The following MED15 variants were observed in gnomAD, a reference collection of about 807,000 sequenced individuals.
MED15 encodes the protein mediator complex subunit 15.
In MED15, 41 loss-of-function variants were observed where a neutral mutation model predicts 118.7. The observed-to-expected ratio is 0.35, with a 90% CI of 0.27 to 0.45. The LOEUF (loss-of-function observed/expected upper bound fraction) is 0.45, where lower values mean the gene tolerates loss of function less well. Ranked by LOEUF, MED15 falls within the 20% of genes least tolerant of loss-of-function variation. The pLI, the probability that MED15 is intolerant of heterozygous loss-of-function variation, is 1.00. For synonymous variants in MED15, 436 were observed against 413.9 expected (o/e 1.05, Z -0.65); for missense variants, 740 against 1,025.5 (o/e 0.72, Z 3.80).
chr22:20,584,695 T>C, intron 14 of MED15, 160 bp from the exon 15 acceptor site: 1 of 1,004,916 alleles, frequency 1.0e-6, no homozygotes, highest in Non-Finnish European at 1.5e-6. Context: ...GGGTGGGGGA[T>C]TATTCCCAGG....
At chr22:20,568,029 T>C (rs12484645) in intron 7 of MED15, among the ~76,000 whole-genome samples, 9,205 of 152,252 alleles carry the variant, frequency 0.06, 640 homozygotes, top group East Asian at 0.37. Context: ...TTTGTAGATA[T>C]GGGGTTTGGC....
Position 20,585,137 on chromosome 22 carries a change from G to A in MED15, c.2001G>A (p.Glu667=), listed in dbSNP as rs1569255021. The A allele has an allele frequency of 6.2e-7, 1 of 1,613,738 alleles. No individual in the cohort carries two copies. Residue 667 remains glutamate (E), a synonymous_variant, in exon 16 of 18, where the codon GAG becomes GAA. Transcript: ENST00000263205. ...TGTGCACCCGGAAGCGCAGGCTTGAGGATGATGAGCGGCAGAGCATCCCCA... is the reference window on the plus strand; with the variant it reads ...TGTGCACCCGGAAGCGCAGGCTTGAAGATGATGAGCGGCAGAGCATCCCCA... The part of the protein sequence containing the change: ...PVVCTRKRRL[E]DDERQSIPSV...
At chr22:20,526,862 G>T (rs2054664144) in intron 1 of MED15, among the ~76,000 whole-genome samples, 1 of 152,184 alleles carries the variant, frequency 6.6e-6, no homozygotes, top group South Asian at 2.1e-4. Context: ...GTCTTCCTTT[G>T]TTGGGTCCCT....
rs187386241 is a variant in MED15 at position 20,534,379 on chromosome 22, G to A, written c.69-2738G>A. Reference sequence around the variant, plus strand: ...AAAAAAGTAAAAAATAAAAAAATTAGCCAGGCGTGGTGGCGCATGCCTGTA... The same window carrying A: ...AAAAAAGTAAAAAATAAAAAAATTAACCAGGCGTGGTGGCGCATGCCTGTA... On this transcript the variant is annotated intron_variant, in intron 1 of 17. Transcript: ENST00000263205. Among the ~76,000 whole-genome samples, 5 of 152,204 alleles carry A rather than the reference G, an allele frequency of 3.3e-5. No individual in the cohort carries two copies. In the East Asian group the frequency reaches 9.6e-4, roughly 29 times the overall value.
chr22:20,565,680 C>G (rs1318642158), intron 6 of MED15, among the ~76,000 whole-genome samples: 1 of 152,148 alleles, frequency 6.6e-6, no homozygotes, highest in African/African-American at 2.4e-5. Context: ...CCACACTTTT[C>G]CTTCTCCTGC....
chr22:20,519,334 G>A (rs1302247681), intron 1 of MED15, among the ~76,000 whole-genome samples: 1 of 152,174 alleles, frequency 6.6e-6, no homozygotes, highest in African/African-American at 2.4e-5. Context: ...CTGTGATTGG[G>A]TTAAGGGCTT....
At chr22:20,537,555 C>T (rs2269832) in intron 2 of MED15, among the ~76,000 whole-genome samples, 9,213 of 152,258 alleles carry the variant, frequency 0.061, 656 homozygotes, top group East Asian at 0.39. Context: ...GTCCTCAGCC[C>T]CTCCTAGGGG....
chr22:20,542,804 A>G (rs772664847), intron 2 of MED15, among the ~76,000 whole-genome samples: 26 of 152,306 alleles, frequency 1.7e-4, no homozygotes, highest in Admixed American at 2.6e-4. Context: ...TACATATATG[A>G]TGGAATTCAT....
At chr22:20,514,235 T>A (rs1331317749) in intron 1 of MED15, among the ~76,000 whole-genome samples, 1 of 152,114 alleles carries the variant, frequency 6.6e-6, no homozygotes, top group Admixed American at 6.6e-5. Context: ...TAGAACCAAT[T>A]TAACTGGCCT....
At chr22:20,509,449 A>G (rs999137806) in intron 1 of MED15, among the ~76,000 whole-genome samples, 4 of 152,034 alleles carry the variant, frequency 2.6e-5, no homozygotes, top group Admixed American at 2.6e-4. Flanking sequence ...TGCTCCGTAA[A>G]ATGATTGTGG....
Position 20,554,963 on chromosome 22 carries a change from C to T in MED15, c.266C>T (p.Thr89Ile). ...CCTATGAATGCACTCCAGAGCCTGA[C>T]TGGCGGACCTGCTGCGGGAGCCGCT... ...SDPMNALQSL[T>I]GGPAAGAAGI... is the part of the protein sequence containing the mutation. Residue 89 changes from threonine (T) to isoleucine (I), a missense_variant, in exon 5 of 18, where the codon ACT (threonine) becomes ATT (isoleucine). Coordinates refer to ENST00000263205, the MANE Select transcript of MED15 (RefSeq NM_001003891.3). 1.2e-6 allele frequency: 2 copies of T among 1,609,364 alleles called. No individual in the cohort carries two copies. The highest frequency in any genetic ancestry group is 1.7e-6 in the Non-Finnish European group (2 of 1,179,822).
intron 9 of MED15, chr22:20,582,024 G>A (rs1160999011): frequency 6.4e-6 from 1 of 156,260 alleles, no homozygotes; most frequent in South Asian, 1.9e-4. Context: ...ATGGGTGTGT[G>A]TGTGGCTCCC....
chr22:20,555,084 G>T lies in MED15; in HGVS notation c.387G>T (p.Pro129=). Residue 129 remains proline, a synonymous_variant, in exon 5 of 18, where the codon CCG becomes CCT. Coordinates refer to ENST00000263205, the MANE Select transcript of MED15 (RefSeq NM_001003891.3). ...AGCCAATGTCTCTCTCAGGGCAGCC[G>T]CCTCCTGGGACCTCGGGGATGGCCC... ...MGQPMSLSGQ[P]PPGTSGMAPH... 6.2e-7 allele frequency: 1 copy of T among 1,611,984 alleles called. No homozygotes were observed.
intron 8 of MED15, 129 bp from the exon 9 acceptor site, chr22:20,574,984 C>T: frequency 7.1e-7 from 1 of 1,417,528 alleles, no homozygotes; most frequent in Non-Finnish European, 9.6e-7. Flanking sequence ...CCCAGGCTGC[C>T]CCGAGCTGCC....
chr22:20,539,013 T>C (rs1373556139), intron 2 of MED15, among the ~76,000 whole-genome samples: 1 of 152,120 alleles, frequency 6.6e-6, no homozygotes, highest in Non-Finnish European at 1.5e-5. Flanking sequence ...GTACAATATA[T>C]GTTTTTATTT....
intron 2 of MED15, among the ~76,000 whole-genome samples, chr22:20,541,907 C>T (rs1260925266): frequency 1.3e-5 from 2 of 152,182 alleles, no homozygotes; most frequent in Non-Finnish European, 2.9e-5. Context: ...CTAGGCCTCC[C>T]AAAGTGCTGG....
In MED15 at chr22:20,525,486, A is replaced by T. The variant is rs138870277; in HGVS notation, c.69-11631A>T. Among the ~76,000 whole-genome samples the T allele has an allele frequency of 2.6e-3, 385 of 145,398 alleles. 3 individuals are homozygous for T. The highest frequency in any genetic ancestry group is 9.2e-3 in the African/African-American group (367 of 39,810). ...CACCTCGGTCTCCCAAAGTTTTGGG[A>T]TTACAGACATGAGCCATTGAGCCTG... On this transcript the variant is annotated intron_variant, in intron 1 of 17. Coordinates refer to ENST00000263205, the MANE Select transcript of MED15 (RefSeq NM_001003891.3).
chr22:20,511,918 T>C (rs2054078932), intron 1 of MED15, among the ~76,000 whole-genome samples: 1 of 147,336 alleles, frequency 6.8e-6, no homozygotes, highest in Non-Finnish European at 1.5e-5. Flanking sequence ...TGACCTGGTA[T>C]AGTCATCTCT....
At chr22:20,523,435 T>A (rs1438062294) in intron 1 of MED15, among the ~76,000 whole-genome samples, 1 of 152,106 alleles carries the variant, frequency 6.6e-6, no homozygotes, top group East Asian at 1.9e-4. Context: ...CCCAACTACT[T>A]TGAGAGTTAG....
Sources: allele counts gnomAD v4.1 joint callset (sites outside exome capture counted in the v4.1 genomes callset), GRCh38; gene constraint gnomAD v4.1.1; transcripts MANE v1.5; gene names NCBI Gene and HGNC (gene_info 2026-07-23, HGNC 2026-07-21).